TTLL5: variants seen among roughly 807,000 people sequenced by gnomAD.
The protein encoded by TTLL5 is tubulin polyglutamylase TTLL5.
TTLL5 carries 132 observed loss-of-function variants against 168.4 expected under a neutral mutation model. The ratio of observed to expected loss-of-function variants is 0.78; its 90% CI spans 0.68 to 0.91. TTLL5 has a LOEUF of 0.91. Ranked by LOEUF, TTLL5 falls within the 40% of genes least tolerant of loss-of-function variation. The pLI, the probability that TTLL5 is intolerant of heterozygous loss-of-function variation, is 0.00. For synonymous variants in TTLL5, 546 were observed against 558.6 expected (o/e 0.98, Z 0.32); for missense variants, 1,545 against 1,581.5 (o/e 0.98, Z 0.39).
Position 75,707,047 on chromosome 14 carries a change from T to G in TTLL5, c.615T>G (p.Ile205Met). The stretch of plus-strand genomic sequence containing the variant: ...ACCAGATCTCCCTGGAAGAGAACAT[T>G]TTGGTCTCCCGTTACATTAACAACC... Reference protein sequence around the residue: ...NPNQISLEENILVSRYINNPL... With the variant: ...NPNQISLEENMLVSRYINNPL... Residue 205 changes from isoleucine to methionine, a missense_variant, in exon 8 of 32, where the codon ATT (isoleucine) becomes ATG (methionine). By Grantham distance (10) the Ile-to-Met change is conservative. Transcript: ENST00000298832. The G allele has an allele frequency of 3.7e-6, 6 of 1,612,844 alleles. No individual in the cohort carries two copies. Among genetic ancestry groups the G allele is most frequent in the Non-Finnish European group, 4.2e-6 (5 of 1,179,206 alleles).
At chr14:75,699,394 C>T in intron 7 of TTLL5, 124 bp downstream of exon 7, 1 of 875,958 alleles carries the variant, frequency 1.1e-6, no homozygotes, top group Non-Finnish European at 1.8e-6. Flanking sequence ...AATCTGCATT[C>T]AGAAGTGAGT....
chr14:75,683,776 C>CTTT (rs11406886), intron 5 of TTLL5, 120 bp downstream of exon 5: 707 of 486,018 alleles, frequency 1.5e-3, no homozygotes, highest in Non-Finnish European at 1.7e-3. Flanking sequence ...AGAAGAAGGA[C>CTTT]TTTTTTTTTT....
intron 28 of TTLL5, among the ~76,000 whole-genome samples, chr14:75,859,571 G>A (rs116962278): frequency 0.015 from 2,218 of 152,180 alleles, 18 homozygotes; most frequent in South Asian, 0.026. Flanking sequence ...AGATATTTAC[G>A]GGGCCTGTGT....
At chr14:75,893,619 C>A (rs957488800) in intron 30 of TTLL5, among the ~76,000 whole-genome samples, 1 of 151,950 alleles carries the variant, frequency 6.6e-6, no homozygotes, top group Non-Finnish European at 1.5e-5. Context: ...GAGATCGAGA[C>A]CATCCTGGCT....
chr14:75,834,647 C>G (rs376321942), intron 28 of TTLL5, among the ~76,000 whole-genome samples: 4 of 152,142 alleles, frequency 2.6e-5, no homozygotes, highest in African/African-American at 9.7e-5. Context: ...CTGGGCAGTT[C>G]TTTAGCCTAC....
At chr14:75,779,793 G>A in intron 24 of TTLL5, 91 bp downstream of exon 24, 1 of 1,327,328 alleles carries the variant, frequency 7.5e-7, no homozygotes, top group Non-Finnish European at 1.0e-6. Context: ...TGTTGGCTAA[G>A]CACTAATAGT....
At chr14:75,848,994 GTT>G (rs1896701965) in intron 28 of TTLL5, among the ~76,000 whole-genome samples, 1 of 152,156 alleles carries the variant, frequency 6.6e-6, no homozygotes, top group Non-Finnish European at 1.5e-5. Flanking sequence ...CAGAAGTCTG[GTT>G]CACATTCTCT....
intron 31 of TTLL5, among the ~76,000 whole-genome samples, chr14:75,940,480 A>G (rs1359236701): frequency 6.6e-6 from 1 of 152,210 alleles, no homozygotes; most frequent in African/African-American, 2.4e-5. Flanking sequence ...TTACATGTTT[A>G]TATAAAAATA....
intron 2 of TTLL5, among the ~76,000 whole-genome samples, chr14:75,664,707 A>T (rs1883123412): frequency 6.6e-6 from 1 of 152,236 alleles, no homozygotes; most frequent in Non-Finnish European, 1.5e-5. Context: ...CTTGTTCAGG[A>T]TAATTAAATG....
intron 30 of TTLL5, among the ~76,000 whole-genome samples, chr14:75,885,511 A>G (rs981055853): frequency 1.3e-5 from 2 of 152,234 alleles, no homozygotes; most frequent in Non-Finnish European, 2.9e-5. Flanking sequence ...CCACTTGCCC[A>G]GTGTTTTTTC....
intron 29 of TTLL5, among the ~76,000 whole-genome samples, chr14:75,881,343 T>A (rs1213299576): frequency 6.6e-6 from 1 of 152,168 alleles, no homozygotes; most frequent in Admixed American, 6.5e-5. Context: ...CTCAGACCCT[T>A]TACCTCTGAA....
chr14:75,732,379 C>T lies in TTLL5; in HGVS notation c.1084C>T (p.Pro362Ser). The T allele has an allele frequency of 6.2e-7, 1 of 1,613,820 alleles. No individual in the cohort carries two copies. The highest frequency in any genetic ancestry group is 8.5e-7 in the Non-Finnish European group (1 of 1,179,864). Residue 362 changes from proline (P) to serine (S), a missense_variant, in exon 13 of 32, where the codon CCA becomes TCA. Physicochemically the swap from Pro to Ser is moderately conservative, Grantham distance 74. Transcript: ENST00000298832. ...CGTGCTCATAGATTCTACTCTGAAG[C>T]CATGGTTGTTGGAAGTGAATCTCTC... The part of the protein sequence containing the change: ...FDVLIDSTLK[P>S]WLLEVNLSPS...
At chr14:75,886,935 G>A in intron 30 of TTLL5, 1 of 1,428,066 alleles carries the variant, frequency 7.0e-7, no homozygotes, top group Non-Finnish European at 9.1e-7. Context: ...AAAGGGTGGG[G>A]CCAAAGATGT....
chr14:75,736,189 T>A (rs1002930148), intron 15 of TTLL5, among the ~76,000 whole-genome samples: 1 of 152,154 alleles, frequency 6.6e-6, no homozygotes, highest in African/African-American at 2.4e-5. Flanking sequence ...CATAAGCAGC[T>A]TTTTCTTCCT....
chr14:75,833,578 G>C (rs887112586), intron 28 of TTLL5, among the ~76,000 whole-genome samples: 1 of 152,170 alleles, frequency 6.6e-6, no homozygotes, highest in African/African-American at 2.4e-5. Context: ...CTCTAAAATA[G>C]AGAATAAATG....
intron 27 of TTLL5, among the ~76,000 whole-genome samples, chr14:75,819,555 C>A (rs1894708916): frequency 6.6e-6 from 1 of 152,136 alleles, no homozygotes; most frequent in Non-Finnish European, 1.5e-5. Context: ...CTATTTTTCT[C>A]CTAACCGTCT....
chr14:75,836,667 A>G (rs1227782044), intron 28 of TTLL5, among the ~76,000 whole-genome samples: 1 of 152,178 alleles, frequency 6.6e-6, no homozygotes, highest in Non-Finnish European at 1.5e-5. Flanking sequence ...CATATAACCC[A>G]TAAGTATATA....
At chr14:75,914,033 A>AAAAAAAAAAATATAT in intron 31 of TTLL5, among the ~76,000 whole-genome samples, 4 of 71,102 alleles carry the variant, frequency 5.6e-5, no homozygotes, top group African/African-American at 3.1e-4. Flanking sequence ...AAAAAAAAAA[A>AAAAAAAAAAATATAT]ATATATATAT....
chr14:75,925,083 G>A (rs1221950598), intron 31 of TTLL5, among the ~76,000 whole-genome samples: 8 of 147,420 alleles, frequency 5.4e-5, no homozygotes, highest in African/African-American at 7.6e-5. Flanking sequence ...CTGGTCGGGC[G>A]GGGGGCTGAC....
Sources: gnomAD v4.1 joint callset for allele counts (sites outside exome capture counted in the v4.1 genomes callset) on GRCh38, gnomAD v4.1.1 for gene constraint, MANE v1.5 for transcripts, NCBI Gene and HGNC (gene_info 2026-07-23, HGNC 2026-07-21) for gene names.